DYNC1I1: variants seen among roughly 807,000 people sequenced by gnomAD.
DYNC1I1 encodes the protein cytoplasmic dynein 1 intermediate chain 1.
In DYNC1I1, 43 loss-of-function variants were observed where a neutral mutation model predicts 86.6. That is an observed-to-expected ratio of 0.50 (90% CI 0.39 to 0.64). DYNC1I1 has a LOEUF of 0.64. Ranked by LOEUF, DYNC1I1 falls within the 30% of genes least tolerant of loss-of-function variation. The pLI, the probability that DYNC1I1 is intolerant of heterozygous loss-of-function variation, is 0.00. For missense variants in DYNC1I1, 604 were observed against 788.8 expected (o/e 0.77, Z 2.81); for synonymous variants, 262 against 283.7 (o/e 0.92, Z 0.77).
chr7:95,923,115 C>T (rs1372489704), intron 6 of DYNC1I1, among the ~76,000 whole-genome samples: 1 of 152,014 alleles, frequency 6.6e-6, no homozygotes, highest in Non-Finnish European at 1.5e-5. Flanking sequence ...TGAGGCTTAG[C>T]TGTTCTCACA....
intron 6 of DYNC1I1, among the ~76,000 whole-genome samples, chr7:95,947,038 C>G (rs922193145): frequency 6.6e-6 from 1 of 152,114 alleles, no homozygotes; most frequent in Non-Finnish European, 1.5e-5. Context: ...AGAAGTGATG[C>G]AAAAGCCCTG....
intron 6 of DYNC1I1, among the ~76,000 whole-genome samples, chr7:95,882,606 A>G (rs1220374677): frequency 2.0e-5 from 3 of 152,202 alleles, no homozygotes; most frequent in Admixed American, 6.5e-5. Context: ...CACATCTTCC[A>G]GTAATCATTA....
chr7:95,846,106 A>G (rs545043865), intron 5 of DYNC1I1, among the ~76,000 whole-genome samples: 4 of 152,272 alleles, frequency 2.6e-5, no homozygotes, highest in Admixed American at 2.0e-4. Context: ...AAGCTTTTTC[A>G]TAAGTATCAA....
intron 1 of DYNC1I1, among the ~76,000 whole-genome samples, chr7:95,778,668 T>TTTAG (rs1474424195): frequency 6.6e-6 from 1 of 152,094 alleles, no homozygotes. Flanking sequence ...TATTTATTTA[T>TTTAG]TTATTTATTT....
chr7:95,908,558 G>C (rs189608874), intron 6 of DYNC1I1, among the ~76,000 whole-genome samples: 1 of 152,220 alleles, frequency 6.6e-6, no homozygotes, highest in Non-Finnish European at 1.5e-5. Context: ...CTTCAACTCT[G>C]ATTTCCTGAG....
intron 4 of DYNC1I1, among the ~76,000 whole-genome samples, chr7:95,817,822 T>C: frequency 6.6e-6 from 1 of 152,218 alleles, no homozygotes; most frequent in South Asian, 2.1e-4. Context: ...CCAACATTTA[T>C]TCTTCTCATT....
chr7:95,829,077 C>A (rs1185170040), intron 5 of DYNC1I1, among the ~76,000 whole-genome samples: 1 of 152,116 alleles, frequency 6.6e-6, no homozygotes, highest in Non-Finnish European at 1.5e-5. Context: ...TTTTATGGAA[C>A]CATTATCTTT....
At chr7:96,099,741 C>T (rs1271501972), downstream of DYNC1I1, among the ~76,000 whole-genome samples, 1 of 152,162 alleles carries the variant, frequency 6.6e-6, no homozygotes, top group Non-Finnish European at 1.5e-5. Flanking sequence ...GGCCCACCTC[C>T]AAAAATCATC....
chr7:95,917,486 AAAT>A lies in DYNC1I1; in HGVS notation c.490+47489_490+47491del, dbSNP rs1584157830. On this transcript the variant is annotated intron_variant, in intron 6 of 16. Coordinates refer to ENST00000447467, the MANE Select transcript of DYNC1I1 (RefSeq NM_001135556.2). ...GCTCTCCCGAGTACCCTTCCAAAGA[AAAT>A]GCTATGCTTAAGCACCTCCTCCTGA... is the stretch of plus-strand genomic sequence containing the variant. 5.3e-5 allele frequency among the ~76,000 whole-genome samples: 8 copies of A among 152,250 alleles called. No homozygotes were observed. The South Asian group carries it at 1.7e-3, about 32-fold the overall frequency.
At chr7:95,785,988 A>G (rs950068561) in intron 1 of DYNC1I1, among the ~76,000 whole-genome samples, 3 of 151,932 alleles carry the variant, frequency 2.0e-5, no homozygotes, top group East Asian at 1.9e-4. Context: ...GATATGTAAG[A>G]AAAGTGTTAA....
At chr7:95,917,652 G>T (rs1791504475) in intron 6 of DYNC1I1, among the ~76,000 whole-genome samples, 2 of 152,178 alleles carry the variant, frequency 1.3e-5, no homozygotes, top group African/African-American at 4.8e-5. Flanking sequence ...CACGGGAATT[G>T]CATTTGCTAG....
chr7:95,798,542 G>C (rs1584233465), intron 1 of DYNC1I1, among the ~76,000 whole-genome samples: 2 of 152,010 alleles, frequency 1.3e-5, no homozygotes, highest in Non-Finnish European at 2.9e-5. Flanking sequence ...AAGAGCAATT[G>C]TTTTCAGGCA....
intron 8 of DYNC1I1, among the ~76,000 whole-genome samples, chr7:95,986,279 C>T (rs1793592203): frequency 6.6e-6 from 1 of 152,068 alleles, no homozygotes; most frequent in Non-Finnish European, 1.5e-5. Context: ...AACCAAAGCC[C>T]AAGCAACTTA....
chr7:95,971,311 G>A (rs966090337), intron 6 of DYNC1I1, among the ~76,000 whole-genome samples: 1 of 152,150 alleles, frequency 6.6e-6, no homozygotes. Flanking sequence ...AGCCAGAACT[G>A]CAAAGAATAT....
intron 11 of DYNC1I1, among the ~76,000 whole-genome samples, chr7:96,031,701 G>T (rs891385394): frequency 6.6e-6 from 1 of 152,074 alleles, no homozygotes; most frequent in African/African-American, 2.4e-5. Flanking sequence ...TGTAGTTGTG[G>T]CTAGGTATTA....
chr7:96,047,437 T>C lies in DYNC1I1; in HGVS notation c.1509+8016T>C, dbSNP rs1488570215. Among the ~76,000 whole-genome samples the C allele has an allele frequency of 2.0e-5, 3 of 152,218 alleles. No individual in the cohort carries two copies. The East Asian group carries it at 5.8e-4, about 29-fold the overall frequency. On this transcript the variant is annotated intron_variant, in intron 14 of 16. Coordinates refer to ENST00000447467, the MANE Select transcript of DYNC1I1 (RefSeq NM_001135556.2). ...AATGCAATCTTGGACCTGCTGATGCTGCAGGTGCTGAGGCGTGAGAACAGG... is the reference window on the plus strand; with the variant it reads ...AATGCAATCTTGGACCTGCTGATGCCGCAGGTGCTGAGGCGTGAGAACAGG...
chr7:95,830,541 C>G (rs1321872833), intron 5 of DYNC1I1, among the ~76,000 whole-genome samples: 1 of 152,158 alleles, frequency 6.6e-6, no homozygotes, highest in Admixed American at 6.5e-5. Context: ...TTTATATAAA[C>G]AGCTCTATCC....
intron 6 of DYNC1I1, among the ~76,000 whole-genome samples, chr7:95,933,427 A>G (rs1791955214): frequency 6.6e-6 from 1 of 152,176 alleles, no homozygotes; most frequent in Non-Finnish European, 1.5e-5. Context: ...TTAGCCATTG[A>G]TGTGTCTCAA....
chr7:96,066,284 C>T (rs752201909), intron 14 of DYNC1I1, among the ~76,000 whole-genome samples: 1 of 152,182 alleles, frequency 6.6e-6, no homozygotes, highest in Non-Finnish European at 1.5e-5. Context: ...CAGGTTCCCT[C>T]ACCTGTCCTA....
Sources: allele counts gnomAD v4.1 joint callset (sites outside exome capture counted in the v4.1 genomes callset), GRCh38; gene constraint gnomAD v4.1.1; transcripts MANE v1.5; gene names NCBI Gene and HGNC (gene_info 2026-07-23, HGNC 2026-07-21).